The following AASS variants were observed in gnomAD, a reference collection of about 807,000 sequenced individuals.
AASS encodes the protein alpha-aminoadipic semialdehyde synthase, mitochondrial.
In AASS, 86 loss-of-function variants were observed where a neutral mutation model predicts 105.4. The ratio of observed to expected loss-of-function variants is 0.82; its 90% CI spans 0.69 to 0.98. The LOEUF (loss-of-function observed/expected upper bound fraction) is 0.98, where lower values mean the gene tolerates loss of function less well. Ranked by LOEUF, AASS falls within the 50% of genes least tolerant of loss-of-function variation. AASS has a pLI of 0.00. For synonymous variants in AASS, 381 were observed against 394.8 expected, an observed-to-expected ratio of 0.96 and a Z score of 0.41; for missense variants, 1,048 against 1,143.2, an observed-to-expected ratio of 0.92 and a Z score of 1.20.
intron 19 of AASS, among the ~76,000 whole-genome samples, chr7:122,083,626 A>G (rs1793483647): frequency 6.6e-6 from 1 of 152,120 alleles, no homozygotes; most frequent in Non-Finnish European, 1.5e-5. Flanking sequence ...AAATTGTAGT[A>G]CAGTATTATA....
At chr7:122,114,063 C>T (rs1562976601) in intron 9 of AASS, among the ~76,000 whole-genome samples, 2 of 152,122 alleles carry the variant, frequency 1.3e-5, no homozygotes, top group African/African-American at 2.4e-5. Context: ...AATTATGCTA[C>T]CTCCACCCTG....
intron 11 of AASS, among the ~76,000 whole-genome samples, chr7:122,104,703 G>T (rs539022618): frequency 6.6e-6 from 1 of 152,176 alleles, no homozygotes; most frequent in East Asian, 1.9e-4. Context: ...CATGTTCTCA[G>T]TTATAAGTGG....
chr7:122,082,891 C>T, intron 19 of AASS: 4 of 1,281,338 alleles, frequency 3.1e-6, no homozygotes, highest in East Asian at 5.6e-5. Context: ...CATTCCAATC[C>T]CTAAAAGAGA....
chr7:122,112,582 T>C (rs1392931888), intron 11 of AASS, among the ~76,000 whole-genome samples: 2 of 152,114 alleles, frequency 1.3e-5, no homozygotes, highest in African/African-American at 4.8e-5. Flanking sequence ...TATGAATGCT[T>C]AGGATAAAAA....
rs543171140 is a variant in AASS at position 122,089,820 on chromosome 7, G to A, written c.2016+1883C>T. 3.3e-5 allele frequency among the ~76,000 whole-genome samples: 5 copies of A among 152,180 alleles called. No homozygotes were observed. In the East Asian group the frequency reaches 5.8e-4, roughly 18 times the overall value. On this transcript the variant is annotated intron_variant, in intron 18 of 23. Transcript: ENST00000417368. The stretch of plus-strand genomic sequence containing the variant: ...ATGGTTGCACTCTGCTGACCCTTTC[G>A]TTGTTACCATCTTTAGCATTTATAA...
chr7:122,126,705 C>T (rs1471570924), intron 3 of AASS, among the ~76,000 whole-genome samples: 1 of 152,038 alleles, frequency 6.6e-6, no homozygotes, highest in African/African-American at 2.4e-5. Flanking sequence ...TGATGGTAAG[C>T]AATGAAATAA....
At chr7:122,082,479 C>T (rs1206271853) in intron 19 of AASS, among the ~76,000 whole-genome samples, 1 of 152,164 alleles carries the variant, frequency 6.6e-6, no homozygotes, top group Non-Finnish European at 1.5e-5. Flanking sequence ...CTTCTTGTAG[C>T]ATTTTGTATA....
chr7:122,081,360 G>C, intron 20 of AASS, 140 bp downstream of exon 20: 1 of 768,892 alleles, frequency 1.3e-6, no homozygotes, highest in Non-Finnish European at 2.4e-6. Flanking sequence ...GGGAAAGGGG[G>C]CTTTGGAGTT....
intron 10 of AASS, among the ~76,000 whole-genome samples, 173 bp from the exon 11 acceptor site, chr7:122,113,402 C>G (rs1369702513): frequency 2.6e-5 from 4 of 152,120 alleles, no homozygotes; most frequent in Non-Finnish European, 4.4e-5. Flanking sequence ...CTTCAGCAAC[C>G]CATCTCACAT....
At chr7:122,126,606 G>T (rs1795667896) in intron 3 of AASS, 147 bp from the exon 4 acceptor site, 1 of 701,696 alleles carries the variant, frequency 1.4e-6, no homozygotes, top group Non-Finnish European at 2.5e-6. Flanking sequence ...GGTATACCAT[G>T]AAATATTTAG....
intron 15 of AASS, 80 bp from the exon 16 acceptor site, chr7:122,093,238 C>T: frequency 1.0e-6 from 1 of 1,003,836 alleles, no homozygotes; most frequent in Non-Finnish European, 1.6e-6. Flanking sequence ...ATTAAAGCTG[C>T]ATCTTAAGGT....
chr7:122,113,940 A>G (rs955509115), intron 9 of AASS, among the ~76,000 whole-genome samples: 14 of 150,268 alleles, frequency 9.3e-5, no homozygotes, highest in East Asian at 3.9e-4. Context: ...AAAAAAAAAA[A>G]GAAAGAAAGA....
At chr7:122,101,085 A>G (rs2150523813) in intron 13 of AASS, among the ~76,000 whole-genome samples, 1 of 151,970 alleles carries the variant, frequency 6.6e-6, no homozygotes, top group East Asian at 1.9e-4. Flanking sequence ...AGAGAAAAAC[A>G]AGAAGCTACC....
chr7:122,091,616 T>G (rs1793901426), intron 18 of AASS, 87 bp downstream of exon 18: 30 of 1,596,622 alleles, frequency 1.9e-5, no homozygotes, highest in Non-Finnish European at 2.6e-5. Flanking sequence ...ATCACCATTA[T>G]TAAAGGGTTT....
At chr7:122,114,666 G>T (rs576274196) in intron 9 of AASS, among the ~76,000 whole-genome samples, 41 of 152,140 alleles carry the variant, frequency 2.7e-4, no homozygotes, top group African/African-American at 9.4e-4. Context: ...GATGAGAATG[G>T]AGAAACAAGA....
Position 122,079,640 on chromosome 7 carries a change from T to C in AASS, c.2353A>G (p.Lys785Glu). Reference protein sequence around the residue: ...EHDVLKEAVLKKLGGDNTQLE... With the variant: ...EHDVLKEAVLEKLGGDNTQLE... ...TGGGTATTGTCTCCTCCTAGTTTCT[T>C]AAGAACAGCTTCCTTCAACACATCA... The change falls in exon 21 of 24, where the codon AAG becomes GAG. Residue 785 changes from lysine to glutamate, a missense_variant. Physicochemically the swap from Lys to Glu is moderately conservative, Grantham distance 56. Coordinates refer to ENST00000417368, the MANE Select transcript of AASS (RefSeq NM_005763.4). 8.1e-6 allele frequency: 13 copies of C among 1,614,078 alleles called. No individual in the cohort carries two copies. Among genetic ancestry groups the C allele is most frequent in the South Asian group, 1.1e-5 (1 of 91,082 alleles).
In AASS at chr7:122,098,872, T is replaced by TAA. The variant is rs34474265; in HGVS notation, c.1407-8_1407-7dup. ...AAAGTGACTGAGCACGTTCCCTATT[T>TAA]AAAAAAAAAAAAAAAAAAAAAAAAG... is the stretch of plus-strand genomic sequence containing the variant. On this transcript the variant is annotated splice_region_variant and splice_polypyrimidine_tract_variant and intron_variant, in intron 13 of 23. Coordinates refer to ENST00000417368, the MANE Select transcript of AASS (RefSeq NM_005763.4). 23,434 of 1,142,636 alleles carry TAA rather than the reference T, an allele frequency of 0.021. 8 individuals carry two copies. The highest frequency in any genetic ancestry group is 0.047 in the South Asian group (2,412 of 51,776). The allele number at this position is 1,142,636 out of a possible 1,614,324, so 70.8% of individuals were successfully genotyped here.
In AASS at chr7:122,127,326, T is replaced by A. The variant is rs146893668; in HGVS notation, c.388-867A>T. 3.3e-4 allele frequency among the ~76,000 whole-genome samples: 50 copies of A among 152,298 alleles called. 1 individual carries two copies. The highest frequency in any genetic ancestry group is 1.2e-3 in the African/African-American group (48 of 41,572). ...TTAGTGTATTGTAATTATACACTAT[T>A]TTAAACAGTAATTTTATTTCCTCAA... On this transcript the variant is annotated intron_variant, in intron 3 of 23. Transcript: ENST00000417368.
chr7:122,122,727 A>G (rs551546113), intron 4 of AASS, among the ~76,000 whole-genome samples: 5 of 152,322 alleles, frequency 3.3e-5, no homozygotes, highest in African/African-American at 9.6e-5. Flanking sequence ...ACTACAGAAG[A>G]AAATCTATAT....
Sources: gnomAD v4.1 joint callset for allele counts (sites outside exome capture counted in the v4.1 genomes callset) on GRCh38, gnomAD v4.1.1 for gene constraint, MANE v1.5 for transcripts, NCBI Gene and HGNC (gene_info 2026-07-23, HGNC 2026-07-21) for gene names.